DPP6: variants seen among roughly 807,000 people sequenced by gnomAD.
The protein encoded by DPP6 is A-type potassium channel modulatory protein DPP6.
Under a neutral mutation model 122.6 loss-of-function variants are expected in DPP6, and 69 were observed. The observed-to-expected ratio is 0.56, with a 90% CI of 0.46 to 0.69. The LOEUF is 0.69. Among genes scored for constraint, DPP6 ranks in the 30% least tolerant of loss-of-function variants. The probability of loss-of-function intolerance (pLI) is 0.00; values close to 1 mark genes in which losing one functional copy is unlikely to be tolerated. For synonymous variants in DPP6, 418 were observed against 433.1 expected, an observed-to-expected ratio of 0.97 and a Z score of 0.43; for missense variants, 928 against 1,116.9, an observed-to-expected ratio of 0.83 and a Z score of 2.41.
At chr7:154,634,841 G>A (rs576775838) in intron 5 of DPP6, among the ~76,000 whole-genome samples, 1 of 152,174 alleles carries the variant, frequency 6.6e-6, no homozygotes, top group African/African-American at 2.4e-5. Context: ...TATATTCAAA[G>A]ATGAATGTAA....
the DPP6 span, among the ~76,000 whole-genome samples, chr7:153,801,282 A>C: frequency 1.2e-3 from 182 of 146,402 alleles, no homozygotes; most frequent in African/African-American, 4.4e-3. Context: ...CATGAGAAGG[A>C]ATCAAGGAAG....
chr7:153,843,433 C>T, the DPP6 span, among the ~76,000 whole-genome samples: 5 of 152,042 alleles, frequency 3.3e-5, no homozygotes, highest in Admixed American at 6.6e-5. Context: ...CACAATGCAA[C>T]GGGGCTCTCT....
At chr7:154,524,218 TGTGA>T (rs1383234012) in intron 3 of DPP6, among the ~76,000 whole-genome samples, 1 of 152,274 alleles carries the variant, frequency 6.6e-6, no homozygotes, top group Non-Finnish European at 1.5e-5. Context: ...TTTAATGTTT[TGTGA>T]GTATCACTAT....
intron 8 of DPP6, among the ~76,000 whole-genome samples, chr7:154,738,153 G>A (rs938270305): frequency 6.6e-6 from 1 of 152,228 alleles, no homozygotes; most frequent in African/African-American, 2.4e-5. Flanking sequence ...TGCGTGCCCA[G>A]CACAGAGAAT....
At chr7:153,901,669 C>T (rs1799643553) in intron 1 of DPP6, among the ~76,000 whole-genome samples, 1 of 152,226 alleles carries the variant, frequency 6.6e-6, no homozygotes, top group Non-Finnish European at 1.5e-5. Flanking sequence ...GTTATACCCT[C>T]AGGTGGGATG....
chr7:154,069,575 C>G (rs1802971850), intron 1 of DPP6, among the ~76,000 whole-genome samples: 3 of 151,858 alleles, frequency 2.0e-5, no homozygotes, highest in Admixed American at 6.6e-5. Context: ...TGACTGAGAG[C>G]TAGGTTGTCA....
intron 5 of DPP6, among the ~76,000 whole-genome samples, chr7:154,578,581 A>C (rs2130647022): frequency 6.6e-6 from 1 of 152,224 alleles, no homozygotes; most frequent in African/African-American, 2.4e-5. Context: ...CAAGTCCATA[A>C]CCACAGTTTT....
intron 1 of DPP6, among the ~76,000 whole-genome samples, chr7:153,903,297 A>G (rs1256888536): frequency 6.6e-6 from 1 of 152,202 alleles, no homozygotes; most frequent in African/African-American, 2.4e-5. Flanking sequence ...GAGTGGCCAC[A>G]GGGGTGATCA....
chr7:154,303,068 G>A (rs867079267), intron 1 of DPP6, among the ~76,000 whole-genome samples: 37 of 152,120 alleles, frequency 2.4e-4, no homozygotes, highest in African/African-American at 7.7e-4. Flanking sequence ...TGCAACTTCC[G>A]CCCCTCAGGT....
At chr7:153,857,800 C>G in the DPP6 span, among the ~76,000 whole-genome samples, 1 of 152,162 alleles carries the variant, frequency 6.6e-6, no homozygotes, top group Admixed American at 6.5e-5. Flanking sequence ...TAGATTTGAT[C>G]TGCATAGTGC....
chr7:153,897,960 T>C (rs117959083), intron 1 of DPP6, among the ~76,000 whole-genome samples: 1 of 152,118 alleles, frequency 6.6e-6, no homozygotes, highest in Non-Finnish European at 1.5e-5. Context: ...CCAAAAGCTG[T>C]GTGGATAAGG....
At chr7:154,169,455 T>C (rs1797425911) in intron 1 of DPP6, among the ~76,000 whole-genome samples, 1 of 152,172 alleles carries the variant, frequency 6.6e-6, no homozygotes, top group African/African-American at 2.4e-5. Flanking sequence ...GCACCTGGGC[T>C]TAAGTTGCAG....
intron 16 of DPP6, among the ~76,000 whole-genome samples, chr7:154,826,973 A>G (rs1374943245): frequency 6.6e-6 from 1 of 152,160 alleles, no homozygotes; most frequent in Non-Finnish European, 1.5e-5. Flanking sequence ...CTGTAAGTCC[A>G]TCAGAGTGAG....
chr7:154,297,073 T>TTG (rs1554511171), intron 1 of DPP6, among the ~76,000 whole-genome samples: 8 of 139,508 alleles, frequency 5.7e-5, no homozygotes, highest in East Asian at 2.0e-4. Flanking sequence ...GTTTTTTTTT[T>TTG]TTTGTTTTGT....
At chr7:154,126,326 A>G (rs4726375) in intron 1 of DPP6, among the ~76,000 whole-genome samples, 39,451 of 152,110 alleles carry the variant, frequency 0.26, 5,720 homozygotes, top group East Asian at 0.51. Context: ...TAGGGTGACC[A>G]TATAATTTTT....
intron 8 of DPP6, among the ~76,000 whole-genome samples, chr7:154,749,674 A>G (rs1087699): frequency 0.11 from 4,204 of 39,192 alleles, 83 homozygotes; most frequent in Middle Eastern, 0.19. Context: ...CTGAGAGAGG[A>G]TGAGAGAGCA....
rs1025958842 is a variant in DPP6, at chr7:154,064,564, A to G, written c.243+11501A>G. On this transcript the variant is annotated intron_variant, in intron 1 of 25. Transcript: ENST00000377770. ...ATTGTTCTTTAGAACTGAAGACCAG[A>G]GGCTGTGGGACTTCAGTCTTATCTG... Among the ~76,000 whole-genome samples the G allele has an allele frequency of 3.4e-4, 51 of 152,194 alleles. 1 individual carries two copies. The highest frequency in any genetic ancestry group is 1.2e-3 in the African/African-American group (49 of 41,450).
At chr7:154,336,276 T>C (rs979316613) in intron 1 of DPP6, among the ~76,000 whole-genome samples, 1 of 152,048 alleles carries the variant, frequency 6.6e-6, no homozygotes, top group Non-Finnish European at 1.5e-5. Context: ...TGATAGACCG[T>C]GGAACTGCAG....
At chr7:153,786,824 A>G in the DPP6 span, among the ~76,000 whole-genome samples, 3 of 142,882 alleles carry the variant, frequency 2.1e-5, no homozygotes, top group Admixed American at 7.0e-5. Flanking sequence ...GTATACTAAT[A>G]TTCTGGTCAG....
Sources: gnomAD v4.1 joint callset for allele counts (sites outside exome capture counted in the v4.1 genomes callset) on GRCh38, gnomAD v4.1.1 for gene constraint, MANE v1.5 for transcripts, NCBI Gene and HGNC (gene_info 2026-07-23, HGNC 2026-07-21) for gene names.